Variants in IQUB observed in about 807,000 individuals in gnomAD.
IQUB encodes the protein IQ motif and ubiquitin domain containing.
IQUB carries 86 observed loss-of-function variants against 86.4 expected under a neutral mutation model. That is an observed-to-expected ratio of 1.00 (90% CI 0.84 to 1.19). The LOEUF (loss-of-function observed/expected upper bound fraction) is 1.19, where lower values mean the gene tolerates loss of function less well. Ranked by LOEUF, IQUB falls within the 50% of genes most tolerant of loss-of-function variation. The pLI is 0.00. For missense variants in IQUB, 946 were observed against 916.9 expected (o/e 1.03, Z -0.41); for synonymous variants, 289 against 304.5 (o/e 0.95, Z 0.53).
chr7:123,507,745 T>C (rs1469199823), intron 3 of IQUB, among the ~76,000 whole-genome samples: 1 of 151,764 alleles, frequency 6.6e-6, no homozygotes, highest in Non-Finnish European at 1.5e-5. Flanking sequence ...TGGTGGCACA[T>C]CCCTGTAGTC....
chr7:123,477,848 T>A (rs1015945254), intron 8 of IQUB, among the ~76,000 whole-genome samples: 2 of 152,080 alleles, frequency 1.3e-5, no homozygotes, highest in Non-Finnish European at 2.9e-5. Context: ...AAAATGCTCA[T>A]CATCACTGGT....
chr7:123,472,297 T>A (rs146649654), intron 8 of IQUB, among the ~76,000 whole-genome samples: 221 of 151,564 alleles, frequency 1.5e-3, no homozygotes, highest in African/African-American at 5.1e-3. Flanking sequence ...GAGAAAGAAA[T>A]TTCTCATGTA....
At chr7:123,480,027 A>G in intron 7 of IQUB, 57 bp from the exon 8 acceptor site, 1 of 1,286,482 alleles carries the variant, frequency 7.8e-7, no homozygotes, top group Non-Finnish European at 1.1e-6. Context: ...TTGAATGATC[A>G]CATCCTGATG....
chr7:123,505,558 C>T (rs1178551770), intron 3 of IQUB, among the ~76,000 whole-genome samples: 1 of 152,208 alleles, frequency 6.6e-6, no homozygotes, highest in African/African-American at 2.4e-5. Context: ...AGGCTTATGG[C>T]TTCCACCCTC....
At chr7:123,493,169 A>G (rs1245498877) in intron 7 of IQUB, among the ~76,000 whole-genome samples, 1 of 152,044 alleles carries the variant, frequency 6.6e-6, no homozygotes, top group Non-Finnish European at 1.5e-5. Context: ...TCAGGCAACA[A>G]TCCTCGTTGT....
At chr7:123,528,156 G>T (rs1209141425) in intron 1 of IQUB, among the ~76,000 whole-genome samples, 2 of 152,302 alleles carry the variant, frequency 1.3e-5, no homozygotes, top group East Asian at 3.9e-4. Flanking sequence ...GTGAGGCAAT[G>T]CCTCGCCCTG....
intron 6 of IQUB, among the ~76,000 whole-genome samples, chr7:123,498,721 TA>T (rs1030487684): frequency 2.6e-5 from 4 of 152,056 alleles, no homozygotes; most frequent in Non-Finnish European, 5.9e-5. Flanking sequence ...TTCCAACCAG[TA>T]AATAGAGGGA....
chr7:123,467,287 T>C (rs186742648), intron 9 of IQUB, among the ~76,000 whole-genome samples: 4 of 152,108 alleles, frequency 2.6e-5, no homozygotes, highest in African/African-American at 9.6e-5. Flanking sequence ...AATGTTTGAG[T>C]GTGCTGCCCA....
chr7:123,511,459 A>G (rs1436780052), intron 2 of IQUB, among the ~76,000 whole-genome samples: 2 of 152,242 alleles, frequency 1.3e-5, no homozygotes, highest in Non-Finnish European at 2.9e-5. Context: ...GAAGGAAAAT[A>G]TAAGTTAACA....
intron 8 of IQUB, among the ~76,000 whole-genome samples, chr7:123,471,779 T>A (rs1794534265): frequency 6.6e-6 from 1 of 152,178 alleles, no homozygotes; most frequent in Non-Finnish European, 1.5e-5. Flanking sequence ...CTACTATAGT[T>A]TGAAACAATT....
chr7:123,501,147 T>C (rs1322089167), intron 6 of IQUB: 1 of 152,206 alleles, frequency 6.6e-6, no homozygotes, highest in Admixed American at 6.5e-5. Flanking sequence ...GTGGCATTCA[T>C]GGAACATGCT....
intron 2 of IQUB, 53 bp from the exon 3 acceptor site, chr7:123,510,088 C>A: frequency 2.6e-6 from 3 of 1,158,426 alleles, no homozygotes; most frequent in South Asian, 1.5e-5. Flanking sequence ...CAAAGGTCAG[C>A]AAACTACAGT....
intron 7 of IQUB, among the ~76,000 whole-genome samples, chr7:123,495,955 A>G (rs1795690914): frequency 6.6e-6 from 1 of 152,176 alleles, no homozygotes; most frequent in African/African-American, 2.4e-5. Flanking sequence ...TAGTATTACC[A>G]ACTGTGGTGA....
chr7:123,462,734 G>A (rs1794054337), intron 10 of IQUB: 2 of 411,242 alleles, frequency 4.9e-6, no homozygotes, highest in East Asian at 7.2e-5. Flanking sequence ...CATTAAATTA[G>A]CAAATATATC....
At chr7:123,463,243 TA>T (rs1314701312) in intron 10 of IQUB, among the ~76,000 whole-genome samples, 1 of 151,728 alleles carries the variant, frequency 6.6e-6, no homozygotes, top group Non-Finnish European at 1.5e-5. Context: ...TGTCTCTTTT[TA>T]AAGTAAACAT....
intron 1 of IQUB, among the ~76,000 whole-genome samples, chr7:123,528,588 G>C (rs561357916): frequency 1.3e-5 from 2 of 152,062 alleles, no homozygotes; most frequent in African/African-American, 4.8e-5. Flanking sequence ...GGAGTCCATG[G>C]GGGATTGGGA....
At position 123,452,509 on chromosome 7, in the gene IQUB, C is replaced by A. The variant is rs951243233; in HGVS notation, c.*234G>T. On this transcript the variant is annotated 3_prime_UTR_variant, in exon 13 of 13. Coordinates refer to ENST00000324698, the MANE Select transcript of IQUB (RefSeq NM_178827.5). ...AACACATTTTAAAATGTTTTCTTTA[C>A]CCCAAAATATTAATTTCAGTAACAA... The A allele has an allele frequency of 3.2e-6, 1 of 312,956 alleles. No individual in the cohort carries two copies. Among genetic ancestry groups the A allele is most frequent in the Non-Finnish European group, 5.8e-6 (1 of 173,638 alleles). 19.4% of individuals were successfully genotyped at this position (312,956 alleles called of 1,614,324 possible).
chr7:123,527,494 G>A (rs1439215822), intron 1 of IQUB, among the ~76,000 whole-genome samples: 1 of 152,154 alleles, frequency 6.6e-6, no homozygotes, highest in Admixed American at 6.5e-5. Context: ...TGGGTTTTTG[G>A]TGTGGATGTC....
chr7:123,464,481 T>C (rs1424877378), intron 10 of IQUB, among the ~76,000 whole-genome samples: 1 of 151,750 alleles, frequency 6.6e-6, no homozygotes, highest in Non-Finnish European at 1.5e-5. Context: ...TCTTAGAAAA[T>C]GAACAGGAAT....
Sources: gnomAD v4.1 joint callset for allele counts (sites outside exome capture counted in the v4.1 genomes callset) on GRCh38, gnomAD v4.1.1 for gene constraint, MANE v1.5 for transcripts, NCBI Gene and HGNC (gene_info 2026-07-23, HGNC 2026-07-21) for gene names.